The following SMARCA2 variants were observed in gnomAD, a reference collection of about 807,000 sequenced individuals.
The protein encoded by SMARCA2 is SWI/SNF-related matrix-associated actin-dependent regulator of chromatin subfamily A member 2.
In SMARCA2, 61 loss-of-function variants were observed where a neutral mutation model predicts 199.8. The observed-to-expected ratio is 0.31, with a 90% CI of 0.25 to 0.38. The LOEUF is 0.38. SMARCA2 is among the 10% of genes least tolerant of loss of function. The pLI is 1.00. For synonymous variants in SMARCA2, 935 were observed against 732.0 expected, an observed-to-expected ratio of 1.28 and a Z score of -4.48; for missense variants, 1,344 against 2,012.2, an observed-to-expected ratio of 0.67 and a Z score of 6.35.
chr9:2,181,417 A>T, intron 29 of SMARCA2, 154 bp from the exon 30 acceptor site: 1 of 592,264 alleles, frequency 1.7e-6, no homozygotes, highest in South Asian at 1.8e-5. Context: ...ATCAATCTCC[A>T]ATAGAGTTGT....
chr9:2,060,466 TTAAAGA>T lies in SMARCA2; in HGVS notation c.1522-344_1522-339del, dbSNP rs528086191. ...ATTTGAAAATGTCTAAAATATAGAG[TTAAAGA>T]TAAAGTTTAGATCATGAATTGTCAA... On this transcript the variant is annotated intron_variant, in intron 8 of 33. Coordinates refer to ENST00000349721, the MANE Select transcript of SMARCA2 (RefSeq NM_003070.5). 3.8e-3 allele frequency among the ~76,000 whole-genome samples: 577 copies of T among 152,308 alleles called. 3 individuals are homozygous for T. The highest frequency in any genetic ancestry group is 0.013 in the African/African-American group (540 of 41,566).
At chr9:2,058,525 C>G in intron 8 of SMARCA2, 61 bp downstream of exon 8, 1 of 1,348,584 alleles carries the variant, frequency 7.4e-7, no homozygotes, top group South Asian at 1.3e-5. Flanking sequence ...TGCAATGAGA[C>G]CATTAAATAT....
chr9:2,175,898 A>G (rs1427022447), intron 29 of SMARCA2, among the ~76,000 whole-genome samples: 2 of 148,960 alleles, frequency 1.3e-5, no homozygotes, highest in African/African-American at 5.0e-5. Context: ...TTGTTTTTTG[A>G]GATGAAGTTT....
At chr9:2,179,934 GA>G (rs1237284164) in intron 29 of SMARCA2, among the ~76,000 whole-genome samples, 1 of 152,192 alleles carries the variant, frequency 6.6e-6, no homozygotes, top group Non-Finnish European at 1.5e-5. Context: ...TTTTCAAACA[GA>G]TAAAATGTTT....
chr9:2,038,748 C>G (rs1214720521), intron 3 of SMARCA2, among the ~76,000 whole-genome samples: 1 of 152,076 alleles, frequency 6.6e-6, no homozygotes, highest in Non-Finnish European at 1.5e-5. Context: ...CAGTAAATTA[C>G]TAGTACTCAA....
chr9:2,134,674 G>A (rs1824118395), intron 27 of SMARCA2, among the ~76,000 whole-genome samples: 1 of 152,144 alleles, frequency 6.6e-6, no homozygotes, highest in Non-Finnish European at 1.5e-5. Context: ...ATGGACTGAT[G>A]TTTATGTCCC....
chr9:2,155,376 G>A (rs1156591755), intron 27 of SMARCA2, among the ~76,000 whole-genome samples: 3 of 151,880 alleles, frequency 2.0e-5, no homozygotes, highest in East Asian at 1.9e-4. Context: ...TCCGCCTCCC[G>A]GGTTCAAGCG....
intron 27 of SMARCA2, among the ~76,000 whole-genome samples, chr9:2,149,376 C>T (rs960380023): frequency 2.0e-5 from 3 of 151,040 alleles, no homozygotes; most frequent in South Asian, 2.1e-4. Context: ...AAAAATTAGC[C>T]AGGCATGATG....
intron 27 of SMARCA2, among the ~76,000 whole-genome samples, chr9:2,141,581 C>G (rs780494715): frequency 2.0e-5 from 3 of 152,124 alleles, no homozygotes; most frequent in African/African-American, 7.2e-5. Context: ...TGTGTAGTTA[C>G]TAGTTAAAAT....
At chr9:2,145,201 G>C (rs1824674257) in intron 27 of SMARCA2, among the ~76,000 whole-genome samples, 1 of 151,874 alleles carries the variant, frequency 6.6e-6, no homozygotes, top group South Asian at 2.1e-4. Context: ...TACTTGGGAG[G>C]CTGAGGCAAG....
At chr9:2,057,173 C>T (rs1042243740) in intron 7 of SMARCA2, among the ~76,000 whole-genome samples, 12 of 152,226 alleles carry the variant, frequency 7.9e-5, no homozygotes, top group African/African-American at 2.9e-4. Context: ...TTTCACCGTT[C>T]TGGAGGCTGG....
chr9:2,042,536 A>G (rs1233331994), intron 4 of SMARCA2: 1 of 152,252 alleles, frequency 6.6e-6, no homozygotes, highest in East Asian at 1.9e-4. Context: ...AACTGAACAC[A>G]GTAGTAAAAT....
chr9:2,117,104 G>T (rs1291510531), intron 25 of SMARCA2, among the ~76,000 whole-genome samples: 2 of 152,024 alleles, frequency 1.3e-5, no homozygotes, highest in East Asian at 3.8e-4. Context: ...AAGTCTAGTG[G>T]AGTACTGAAT....
chr9:2,178,178 CTGTT>C (rs1222860125), intron 29 of SMARCA2, among the ~76,000 whole-genome samples: 6 of 152,170 alleles, frequency 3.9e-5, no homozygotes, highest in Non-Finnish European at 5.9e-5. Context: ...GTCGCGGTGT[CTGTT>C]CACTTCCATG....
chr9:2,037,556 T>C (rs1412612878), intron 3 of SMARCA2, among the ~76,000 whole-genome samples: 3 of 152,200 alleles, frequency 2.0e-5, no homozygotes, highest in Non-Finnish European at 4.4e-5. Context: ...GAATCTTTTA[T>C]TTTCTGTGGT....
rs184124623 is a variant in SMARCA2 at position 2,061,093 on chromosome 9, T to C, written c.1692+107T>C. On this transcript the variant is annotated intron_variant, in intron 9 of 33. Transcript: ENST00000349721. Reference sequence around the variant, plus strand: ...CTACTTCTTACACTGGTGGAAGGTTTAGATGATTGAATTGTGAAAATTGCA... The same window carrying C: ...CTACTTCTTACACTGGTGGAAGGTTCAGATGATTGAATTGTGAAAATTGCA... The C allele has an allele frequency of 1.2e-4, 133 of 1,079,858 alleles. 1 individual carries two copies. The East Asian group carries it at 2.7e-3, about 22-fold the overall frequency. 66.9% of individuals were successfully genotyped at this position (1,079,858 alleles called of 1,614,324 possible).
At chr9:2,046,487 T>G (rs986389077) in intron 4 of SMARCA2, among the ~76,000 whole-genome samples, 2 of 152,324 alleles carry the variant, frequency 1.3e-5, no homozygotes, top group East Asian at 3.9e-4. Context: ...AAGAAGTGTT[T>G]TCTAATATGT....
At chr9:2,192,473 C>G in intron 33 of SMARCA2, 2 of 546,110 alleles carry the variant, frequency 3.7e-6, no homozygotes, top group East Asian at 3.2e-5. Flanking sequence ...AGGGCACAAA[C>G]AATAGCTTAG....
Position 2,016,772 on chromosome 9 carries a change from G to C in SMARCA2, c.-37+1368G>C, listed in dbSNP as rs771079120. On this transcript the variant is annotated intron_variant, in intron 1 of 33. Transcript: ENST00000349721. This position sits in a 1 kb window ranked among gnomAD's most constrained non-coding sequence, Gnocchi z 5.6. ...CTTCTCGCTCCCTGCTCAGGAGTTTGCTTTATTCCCATCCCAACCTGGTTT... is the reference window on the plus strand; with the variant it reads ...CTTCTCGCTCCCTGCTCAGGAGTTTCCTTTATTCCCATCCCAACCTGGTTT... 6.6e-6 allele frequency among the ~76,000 whole-genome samples: 1 copy of C among 152,196 alleles called. No individual in the cohort carries two copies. Among genetic ancestry groups the C allele is most frequent in the Non-Finnish European group, 1.5e-5 (1 of 68,022 alleles).
Sources: gnomAD v4.1 joint callset for allele counts (sites outside exome capture counted in the v4.1 genomes callset) on GRCh38, gnomAD v4.1.1 for gene constraint, Gnocchi (gnomAD v3.1) non-coding constraint, MANE v1.5 for transcripts, NCBI Gene and HGNC (gene_info 2026-07-23, HGNC 2026-07-21) for gene names.